DCDC1: variants seen among roughly 807,000 people sequenced by gnomAD.
DCDC1 encodes the protein doublecortin domain-containing protein 1.
In DCDC1, 200 loss-of-function variants were observed where a neutral mutation model predicts 178.3. The observed-to-expected ratio is 1.12, with a 90% confidence interval of 1.00 to 1.26. DCDC1 has a LOEUF of 1.26. Ranked by LOEUF, DCDC1 falls within the 50% of genes most tolerant of loss-of-function variation. DCDC1 has a pLI of 0.00. For missense variants in DCDC1, 1,983 were observed against 1,749.2 expected (o/e 1.13, Z -2.38); for synonymous variants, 690 against 604.8 (o/e 1.14, Z -2.07).
At chr11:31,293,721 T>C (rs572318722) in intron 6 of DCDC1, among the ~76,000 whole-genome samples, 1 of 152,294 alleles carries the variant, frequency 6.6e-6, no homozygotes, top group African/African-American at 2.4e-5. Flanking sequence ...ATGAGATAGG[T>C]AATATTATTA....
intron 3 of DCDC1, among the ~76,000 whole-genome samples, chr11:31,324,485 T>C (rs1028424684): frequency 6.6e-6 from 1 of 152,012 alleles, no homozygotes; most frequent in African/African-American, 2.4e-5. Flanking sequence ...GAAAATATTA[T>C]ATTTATATGT....
At chr11:31,047,337 GA>G in intron 20 of DCDC1, among the ~76,000 whole-genome samples, 2 of 150,428 alleles carry the variant, frequency 1.3e-5, no homozygotes, top group East Asian at 1.9e-4. Context: ...TTGTTGAACA[GA>G]AAAAAAAATC....
chr11:31,133,352 A>G (rs766527227), intron 10 of DCDC1, among the ~76,000 whole-genome samples: 1 of 152,204 alleles, frequency 6.6e-6, no homozygotes, highest in Non-Finnish European at 1.5e-5. Flanking sequence ...AACACACGGA[A>G]TGGTCTCAAA....
intron 27 of DCDC1, among the ~76,000 whole-genome samples, chr11:30,912,282 CT>C (rs377614698): frequency 1.2e-3 from 171 of 145,792 alleles, no homozygotes; most frequent in South Asian, 4.6e-3. Flanking sequence ...TTCAGGTATT[CT>C]TTTTTTTTTT....
intron 5 of DCDC1, 73 bp from the exon 6 acceptor site, chr11:31,305,850 G>A (rs1948422563): frequency 3.3e-6 from 5 of 1,511,564 alleles, no homozygotes; most frequent in Admixed American, 2.1e-5. Context: ...AAAACAAAAG[G>A]TTCTAATGAT....
rs372008992 is a variant in DCDC1 at position 30,881,233 on chromosome 11, T to C, written c.5158A>G (p.Ile1720Val). 37 of 1,613,590 alleles carry C rather than the reference T, an allele frequency of 2.3e-5. No individual in the cohort carries two copies. In the African/African-American group the frequency reaches 3.2e-4, roughly 14 times the overall value. ...CGCTCTATGTCGTCCCAGGACTGAATTGGCTCTCCACTGGGGGTGTACAGT... is the reference window on the plus strand; with the variant it reads ...CGCTCTATGTCGTCCCAGGACTGAACTGGCTCTCCACTGGGGGTGTACAGT... Reference protein sequence around the residue: ...RALYTPSGEPIQSWDDIERDM... With the variant: ...RALYTPSGEPVQSWDDIERDM... The change falls in exon 37 of 39, where the codon ATT becomes GTT. Residue 1720 changes from isoleucine to valine, a missense_variant. Transcript: ENST00000684477.
intron 5 of DCDC1, among the ~76,000 whole-genome samples, 190 bp downstream of exon 5, chr11:31,306,042 A>G (rs1297923645): frequency 6.6e-6 from 1 of 152,144 alleles, no homozygotes. Context: ...GTTTAAATAC[A>G]CTGTTTATAT....
At chr11:31,060,008 G>A (rs1590910209) in intron 20 of DCDC1, among the ~76,000 whole-genome samples, 1 of 151,876 alleles carries the variant, frequency 6.6e-6, no homozygotes, top group Non-Finnish European at 1.5e-5. Flanking sequence ...TTTAGCTGGT[G>A]CATCTCAAAT....
intron 1 of DCDC1, among the ~76,000 whole-genome samples, chr11:31,352,983 TTCTG>T (rs1367181966): frequency 6.6e-6 from 1 of 152,206 alleles, no homozygotes; most frequent in Non-Finnish European, 1.5e-5. Flanking sequence ...GGTCTCTGTT[TTCTG>T]TCTCTTTTTC....
chr11:30,910,390 C>T (rs778729475), intron 28 of DCDC1, among the ~76,000 whole-genome samples: 4 of 152,162 alleles, frequency 2.6e-5, no homozygotes, highest in African/African-American at 4.8e-5. Context: ...TATATGTACT[C>T]TATCTCCTAG....
At chr11:31,352,923 A>G (rs1476760143) in intron 1 of DCDC1, among the ~76,000 whole-genome samples, 2 of 152,186 alleles carry the variant, frequency 1.3e-5, no homozygotes, top group Non-Finnish European at 2.9e-5. Flanking sequence ...GGGAGATGCA[A>G]TTAGAATGAC....
intron 9 of DCDC1, among the ~76,000 whole-genome samples, chr11:31,159,777 C>T (rs1385064745): frequency 1.3e-5 from 2 of 151,600 alleles, no homozygotes; most frequent in Non-Finnish European, 2.9e-5. Flanking sequence ...CCCCTTCCAC[C>T]AAAAAAAGAA....
chr11:31,275,829 C>T (rs796415208), intron 7 of DCDC1, among the ~76,000 whole-genome samples: 16 of 152,308 alleles, frequency 1.1e-4, no homozygotes, highest in African/African-American at 3.8e-4. Context: ...TAGTCTCACG[C>T]CCCTTGTCAG....
intron 20 of DCDC1, among the ~76,000 whole-genome samples, chr11:31,058,979 AG>A (rs1955761804): frequency 6.6e-6 from 1 of 152,132 alleles, no homozygotes; most frequent in Non-Finnish European, 1.5e-5. Flanking sequence ...AGTTTGAAGA[AG>A]GTAAGAGTAG....
intron 30 of DCDC1, 74 bp downstream of exon 30, chr11:30,906,466 G>T (rs973562660): frequency 2.1e-6 from 3 of 1,446,974 alleles, no homozygotes; most frequent in Admixed American, 2.2e-5. Flanking sequence ...TTGAGTGCAA[G>T]GCAGATAATG....
chr11:31,322,922 T>A (rs1949444425), intron 3 of DCDC1, among the ~76,000 whole-genome samples: 1 of 152,210 alleles, frequency 6.6e-6, no homozygotes, highest in Admixed American at 6.5e-5. Flanking sequence ...GTAATGGACA[T>A]GTAGTATAAT....
At chr11:31,189,070 G>A (rs1969838131) in intron 9 of DCDC1, among the ~76,000 whole-genome samples, 2 of 151,998 alleles carry the variant, frequency 1.3e-5, no homozygotes, top group Non-Finnish European at 2.9e-5. Context: ...GCCTTCATCT[G>A]GTACTTCTCA....
chr11:30,876,830 T>C (rs564521142), intron 38 of DCDC1, among the ~76,000 whole-genome samples: 62 of 152,212 alleles, frequency 4.1e-4, no homozygotes, highest in Non-Finnish European at 6.8e-4. Flanking sequence ...AGGATTGTGA[T>C]TGAGTCATTC....
intron 1 of DCDC1, among the ~76,000 whole-genome samples, chr11:31,350,741 G>T (rs775110446): frequency 2.0e-5 from 3 of 152,038 alleles, no homozygotes; most frequent in Non-Finnish European, 4.4e-5. Context: ...AAACATGTCT[G>T]ATTTTATGCT....
Sources: allele counts gnomAD v4.1 joint callset (sites outside exome capture counted in the v4.1 genomes callset), GRCh38; gene constraint gnomAD v4.1.1; transcripts MANE v1.5; gene names NCBI Gene and HGNC (gene_info 2026-07-23, HGNC 2026-07-21).